CHD6: variants seen among roughly 807,000 people sequenced by gnomAD.
CHD6 encodes ATP-dependent chromatin remodeler CHD6.
Under a neutral mutation model 276.9 loss-of-function variants are expected in CHD6, and 50 were observed. The ratio of observed to expected loss-of-function variants is 0.18; its 90% confidence interval spans 0.14 to 0.23. The LOEUF is 0.23. Among genes scored for constraint, CHD6 ranks in the 10% least tolerant of loss-of-function variants. The pLI, the probability that CHD6 is intolerant of heterozygous loss-of-function variation, is 1.00. For synonymous variants in CHD6, 1,173 were observed against 1,229.3 expected (o/e 0.95, Z 0.96); for missense variants, 2,564 against 3,365.8 (o/e 0.76, Z 5.89).
intron 2 of CHD6, among the ~76,000 whole-genome samples, chr20:41,540,646 A>T (rs1315194948): frequency 6.6e-6 from 1 of 152,166 alleles, no homozygotes; most frequent in East Asian, 1.9e-4. Context: ...CAAACCCTTC[A>T]TCCAGCTGTG....
chr20:41,439,964 C>A, intron 26 of CHD6, 36 bp downstream of exon 26: 1 of 1,608,910 alleles, frequency 6.2e-7, no homozygotes. Context: ...AGTGGCATGG[C>A]ATGTCACATG....
At chr20:41,479,352 C>A (rs2043241801) in intron 16 of CHD6, among the ~76,000 whole-genome samples, 1 of 152,066 alleles carries the variant, frequency 6.6e-6, no homozygotes, top group Non-Finnish European at 1.5e-5. Flanking sequence ...CAGGATGAAT[C>A]CCAATGATCA....
chr20:41,522,656 G>A (rs751798566), intron 3 of CHD6, among the ~76,000 whole-genome samples: 18 of 151,626 alleles, frequency 1.2e-4, no homozygotes, highest in African/African-American at 1.7e-4. Flanking sequence ...GCACGCGTGC[G>A]CGCACACACA....
chr20:41,443,114 C>T (rs1022561480), intron 25 of CHD6, among the ~76,000 whole-genome samples: 2 of 152,222 alleles, frequency 1.3e-5, no homozygotes, highest in Admixed American at 6.5e-5. Flanking sequence ...CCTCAACTGA[C>T]AATCTGTGAG....
intron 25 of CHD6, among the ~76,000 whole-genome samples, chr20:41,443,651 CT>C (rs1440670700): frequency 1.3e-5 from 2 of 152,180 alleles, no homozygotes; most frequent in Admixed American, 1.3e-4. Context: ...CTCATCTTCT[CT>C]TTCATGTCTT....
At chr20:41,468,219 C>A (rs1600935565) in intron 17 of CHD6, among the ~76,000 whole-genome samples, 1 of 151,758 alleles carries the variant, frequency 6.6e-6, no homozygotes, top group South Asian at 2.1e-4. Flanking sequence ...AAGCGATTCT[C>A]CTGCCTCAGC....
At chr20:41,559,001 G>GTGAA (rs1172370524) in intron 1 of CHD6, among the ~76,000 whole-genome samples, 1 of 152,130 alleles carries the variant, frequency 6.6e-6, no homozygotes, top group African/African-American at 2.4e-5. Flanking sequence ...ACGACTTTAA[G>GTGAA]TGAAACAACT....
intron 1 of CHD6, among the ~76,000 whole-genome samples, chr20:41,605,382 C>T (rs1175819987): frequency 6.6e-6 from 1 of 152,114 alleles, no homozygotes; most frequent in African/African-American, 2.4e-5. Context: ...CTCAAAAATG[C>T]CTCAAAACAT....
chr20:41,556,895 A>G (rs999709545), intron 1 of CHD6, among the ~76,000 whole-genome samples: 87 of 152,338 alleles, frequency 5.7e-4, no homozygotes, highest in African/African-American at 2.1e-3. Context: ...AAACAATGTC[A>G]TCTTTTTGTA....
chr20:41,433,994 G>C lies in CHD6; in HGVS notation c.4068+3280C>G, dbSNP rs564840639. Among the ~76,000 whole-genome samples the C allele has an allele frequency of 3.0e-4, 46 of 152,228 alleles. 1 individual carries two copies. Among genetic ancestry groups the C allele is most frequent in the African/African-American group, 1.1e-3 (45 of 41,542 alleles). On this transcript the variant is annotated intron_variant, in intron 27 of 36. Coordinates refer to ENST00000373233, the MANE Select transcript of CHD6 (RefSeq NM_032221.5). Reference sequence around the variant, plus strand: ...TCATACAAAATACTCATGTAAACCAGAGGAAGGCAGGAAAAATAAAAAATC... The same window carrying C: ...TCATACAAAATACTCATGTAAACCACAGGAAGGCAGGAAAAATAAAAAATC...
chr20:41,580,357 T>C (rs898529277), intron 1 of CHD6, among the ~76,000 whole-genome samples: 18 of 152,160 alleles, frequency 1.2e-4, no homozygotes, highest in African/African-American at 4.1e-4. Context: ...CTCACCTTTC[T>C]GTGACTCCCT....
At chr20:41,408,516 T>C (rs189122188) in intron 36 of CHD6, among the ~76,000 whole-genome samples, 2 of 152,264 alleles carry the variant, frequency 1.3e-5, no homozygotes, top group South Asian at 2.1e-4. Context: ...AGCTCATCAA[T>C]GCAAATCGTC....
chr20:41,477,893 G>C (rs1006792858), intron 16 of CHD6, among the ~76,000 whole-genome samples: 1 of 152,142 alleles, frequency 6.6e-6, no homozygotes, highest in Non-Finnish European at 1.5e-5. Context: ...GCCTTGAAGA[G>C]GGTAAAATAA....
rs374043976 is a variant in CHD6, at chr20:41,493,581, T to G, written c.1271A>C (p.Lys424Thr). ...GAGAACTTGAAGAGATTCAAATTCT[T>G]TAACTTTTGCAGGATCTACATCTTC... ...LEEDVDPAKVKEFESLQVLPE... is the reference protein window; with the variant it reads ...LEEDVDPAKVTEFESLQVLPE... Residue 424 changes from lysine (K) to threonine (T), a missense_variant, in exon 10 of 37, where the codon AAA (lysine) becomes ACA (threonine). Around this residue, in one of 7 missense-constraint regions of CHD6, gnomAD observed 457 missense variants for 889.0 expected, o/e 0.51. Coordinates refer to ENST00000373233, the MANE Select transcript of CHD6 (RefSeq NM_032221.5). 2 of 1,613,920 alleles carry G rather than the reference T, an allele frequency of 1.2e-6. No homozygotes were observed. Among genetic ancestry groups the G allele is most frequent in the Non-Finnish European group, 1.7e-6 (2 of 1,179,858 alleles).
intron 1 of CHD6, among the ~76,000 whole-genome samples, chr20:41,600,849 C>T (rs2045766277): frequency 6.6e-6 from 1 of 152,200 alleles, no homozygotes; most frequent in Non-Finnish European, 1.5e-5. Flanking sequence ...TGCAGTGTGC[C>T]TACAGGTGCT....
rs148714441 is a variant in CHD6 at position 41,539,776 on chromosome 20, T to C, written c.34-6206A>G. On this transcript the variant is annotated intron_variant, in intron 2 of 36. Transcript: ENST00000373233. ...ATATCTGATACACAATTGTGTTTAA[T>C]AGAGAAAAAAGCTATAATAACCTGT... 8.3e-4 allele frequency among the ~76,000 whole-genome samples: 127 copies of C among 152,308 alleles called. 2 individuals carry two copies. Among genetic ancestry groups the C allele is most frequent in the African/African-American group, 2.9e-3 (122 of 41,562 alleles).
chr20:41,457,198 G>T, intron 18 of CHD6, 66 bp downstream of exon 18: 1 of 1,551,422 alleles, frequency 6.4e-7, no homozygotes, highest in Non-Finnish European at 8.8e-7. Context: ...GCTGTAAGAA[G>T]AGAAGCCTGT....
At chr20:41,490,079 TG>T in intron 11 of CHD6, 58 bp from the exon 12 acceptor site, 1 of 1,448,432 alleles carries the variant, frequency 6.9e-7, no homozygotes, top group Non-Finnish European at 9.6e-7. Flanking sequence ...TTATAGAGGC[TG>T]GTTATAACTT....
At chr20:41,494,158 T>C (rs2043621619) in intron 8 of CHD6, among the ~76,000 whole-genome samples, 2 of 152,226 alleles carry the variant, frequency 1.3e-5, no homozygotes, top group Admixed American at 1.3e-4. Flanking sequence ...TCTTAGTGGC[T>C]ACACCCTAGC....
Sources: gnomAD v4.1 joint callset for allele counts (sites outside exome capture counted in the v4.1 genomes callset) on GRCh38, gnomAD v4.1.1 for gene constraint, gnomAD v4.1.1 regional missense constraint, MANE v1.5 for transcripts, NCBI Gene and HGNC (gene_info 2026-07-23, HGNC 2026-07-21) for gene names.